Variants in INSR observed in about 807,000 individuals in gnomAD.
INSR encodes the protein IR.
A neutral mutation model predicts 142.6 loss-of-function variants in INSR; 67 were observed. The observed-to-expected ratio is 0.47, with a 90% CI of 0.39 to 0.58. The LOEUF is 0.58. Ranked by LOEUF, INSR falls within the 20% of genes least tolerant of loss-of-function variation. The pLI is 0.00. For synonymous variants in INSR, 756 were observed against 743.1 expected (o/e 1.02, Z -0.28); for missense variants, 1,248 against 1,833.2 (o/e 0.68, Z 5.83).
At chr19:7,135,499 C>G (rs902885912) in intron 13 of INSR, among the ~76,000 whole-genome samples, 3 of 137,138 alleles carry the variant, frequency 2.2e-5, no homozygotes, top group Non-Finnish European at 4.7e-5. Context: ...GGCAACAAAG[C>G]AAGACTCTGT....
chr19:7,172,364 G>A lies in INSR; in HGVS notation c.1194C>T (p.Arg398=), dbSNP rs1599943464. The A allele has an allele frequency of 6.2e-7, 1 of 1,614,126 alleles. No individual in the cohort carries two copies. The highest frequency in any genetic ancestry group is 2.2e-5 in the East Asian group (1 of 44,880). ...IEEISGYLKI[R]RSYALVSLSF... Reference sequence around the variant, plus strand: ...AAAGTGACACCAGAGCGTAGGATCGGCGGATTTTTAGATACCCTGAAATTT... The same window carrying A: ...AAAGTGACACCAGAGCGTAGGATCGACGGATTTTTAGATACCCTGAAATTT... The change falls in exon 5 of 22, where the codon CGC becomes CGT. Residue 398 remains arginine, a synonymous_variant. Transcript: ENST00000302850.
At chr19:7,194,930 A>G (rs1974704952) in intron 2 of INSR, among the ~76,000 whole-genome samples, 2 of 151,982 alleles carry the variant, frequency 1.3e-5, no homozygotes, top group Admixed American at 6.6e-5. Context: ...CTGTTCTCGT[A>G]TTAAATGAAA....
At chr19:7,190,588 T>C (rs1974555344) in intron 2 of INSR, among the ~76,000 whole-genome samples, 1 of 152,088 alleles carries the variant, frequency 6.6e-6, no homozygotes, top group Non-Finnish European at 1.5e-5. Flanking sequence ...GCCAGGCTGG[T>C]CTTGAACTCC....
intron 13 of INSR, among the ~76,000 whole-genome samples, chr19:7,132,843 G>A (rs899538338): frequency 6.6e-6 from 1 of 151,918 alleles, no homozygotes; most frequent in Non-Finnish European, 1.5e-5. Context: ...CGCCCACCTC[G>A]GCCTCCCAAA....
At chr19:7,238,284 C>T (rs559341329) in intron 2 of INSR, among the ~76,000 whole-genome samples, 4 of 152,142 alleles carry the variant, frequency 2.6e-5, no homozygotes, top group Admixed American at 1.3e-4. Context: ...ACATAGAAAA[C>T]GTCCACGGGC....
intron 9 of INSR, among the ~76,000 whole-genome samples, chr19:7,158,047 A>AT (rs1418474364): frequency 6.1e-5 from 1 of 16,412 alleles, no homozygotes; most frequent in South Asian, 4.1e-3. Flanking sequence ...AGCTCCTGGT[A>AT]TTATTATTAT....
chr19:7,269,040 A>ACACACACC (rs1555690145), intron 1 of INSR, among the ~76,000 whole-genome samples: 6 of 143,266 alleles, frequency 4.2e-5, no homozygotes, highest in Non-Finnish European at 7.5e-5. Flanking sequence ...CCACACACCC[A>ACACACACC]CACACACACA....
At chr19:7,176,004 A>ATTTG (rs1974127261) in intron 3 of INSR, among the ~76,000 whole-genome samples, 1 of 152,132 alleles carries the variant, frequency 6.6e-6, no homozygotes, top group Non-Finnish European at 1.5e-5. Context: ...TTTACCCCAA[A>ATTTG]GTGATGGGAC....
chr19:7,206,234 C>T (rs1396275180), intron 2 of INSR, among the ~76,000 whole-genome samples: 1 of 152,106 alleles, frequency 6.6e-6, no homozygotes, highest in Non-Finnish European at 1.5e-5. Flanking sequence ...TGGGTGTGAT[C>T]ATAGCTCACT....
intron 2 of INSR, among the ~76,000 whole-genome samples, chr19:7,218,524 T>TG (rs1555754355): frequency 2.0e-5 from 3 of 151,522 alleles, no homozygotes; most frequent in African/African-American, 2.4e-5. Context: ...TTTGTTTTGT[T>TG]GTTTTTTTCT....
Position 7,294,381 on chromosome 19 carries a change from C to G in INSR, c.-490G>C, listed in dbSNP as rs1473709169. Reference sequence around the variant, plus strand: ...AACAACGCGGCCCGTCAGCTGGGCCCCGTGCGGGCCGCGGGAAAAGGCGGC... The same window carrying G: ...AACAACGCGGCCCGTCAGCTGGGCCGCGTGCGGGCCGCGGGAAAAGGCGGC... On this transcript the variant is annotated 5_prime_UTR_variant, in exon 1 of 22. Transcript: ENST00000302850. 6.6e-6 allele frequency among the ~76,000 whole-genome samples: 1 copy of G among 151,626 alleles called. No homozygotes were observed. Among genetic ancestry groups the G allele is most frequent in the African/African-American group, 2.4e-5 (1 of 41,360 alleles).
rs1028257658 is a variant in INSR at position 7,216,278 on chromosome 19, C to G, written c.653-31641G>C. Among the ~76,000 whole-genome samples, 1 of 152,152 alleles carries G rather than the reference C, an allele frequency of 6.6e-6. No individual in the cohort carries two copies. Among genetic ancestry groups the G allele is most frequent in the Admixed American group, 6.5e-5 (1 of 15,282 alleles). On this transcript the variant is annotated intron_variant, in intron 2 of 21. Coordinates refer to ENST00000302850, the MANE Select transcript of INSR (RefSeq NM_000208.4). This position sits in a 1 kb window ranked among gnomAD's most constrained non-coding sequence, Gnocchi z 4.2. ...GGCAGAGGTTGCAGTGAGCTGAGAT[C>G]GTGCCATTGCACTCCAGCCTGGGCA... is the stretch of plus-strand genomic sequence containing the variant.
At chr19:7,198,108 G>T (rs542230638) in intron 2 of INSR, among the ~76,000 whole-genome samples, 9 of 151,852 alleles carry the variant, frequency 5.9e-5, no homozygotes, top group Non-Finnish European at 1.3e-4. Context: ...AGCCCTAGGC[G>T]CTCAAGGCTC....
In INSR at chr19:7,267,643, G is replaced by A; in HGVS notation, c.354C>T (p.Tyr118=). Residue 118 remains tyrosine, a synonymous_variant, in exon 2 of 22, where the codon TAC becomes TAT. Transcript: ENST00000302850. The surrounding 1 kb of genome is among the most constrained non-coding windows in gnomAD (Gnocchi z 6.3). ...GAACCATCTCGAAGATGACCAGCGC[G>A]TAGTTAAAGAACAGTCGTGATCCCC... ...VIRGSRLFFN[Y]ALVIFEMVHL... is the part of the protein sequence containing the mutation. 6.2e-7 allele frequency: 1 copy of A among 1,613,992 alleles called. No homozygotes were observed. Among genetic ancestry groups the A allele is most frequent in the Non-Finnish European group, 8.5e-7 (1 of 1,179,940 alleles).
intron 2 of INSR, among the ~76,000 whole-genome samples, chr19:7,223,193 A>G (rs1339598810): frequency 1.3e-5 from 2 of 152,128 alleles, no homozygotes; most frequent in Non-Finnish European, 2.9e-5. Context: ...AAAGACAAAC[A>G]AACAAAAAAA....
At chr19:7,139,149 C>T (rs1434641568) in intron 13 of INSR, among the ~76,000 whole-genome samples, 1 of 152,142 alleles carries the variant, frequency 6.6e-6, no homozygotes, top group African/African-American at 2.4e-5. Context: ...GCTCCAAGTG[C>T]CCCCAGCTGA....
rs575145176 is a variant in INSR at position 7,215,073 on chromosome 19, A to G, written c.653-30436T>C. Reference sequence around the variant, plus strand: ...TGGGCTCAATGGATCTTCCTGCCTCAGCCTCCCGAGTAGCTGGGGCTACAG... The same window carrying G: ...TGGGCTCAATGGATCTTCCTGCCTCGGCCTCCCGAGTAGCTGGGGCTACAG... On this transcript the variant is annotated intron_variant, in intron 2 of 21. Transcript: ENST00000302850. 1.9e-4 allele frequency among the ~76,000 whole-genome samples: 29 copies of G among 152,004 alleles called. 1 individual carries two copies. Among genetic ancestry groups the G allele is most frequent in the African/African-American group, 7.0e-4 (29 of 41,448 alleles).
At chr19:7,127,822 C>A (rs2144820082) in intron 15 of INSR, among the ~76,000 whole-genome samples, 1 of 152,184 alleles carries the variant, frequency 6.6e-6, no homozygotes, top group East Asian at 1.9e-4. Flanking sequence ...CGGCTCACTG[C>A]AACCTCTGCC....
chr19:7,193,849 T>C (rs562827772), intron 2 of INSR, among the ~76,000 whole-genome samples: 69 of 152,026 alleles, frequency 4.5e-4, no homozygotes, highest in Non-Finnish European at 7.8e-4. Context: ...ACCACCATGC[T>C]TGGCTAATTT....
Sources: allele counts gnomAD v4.1 joint callset (sites outside exome capture counted in the v4.1 genomes callset), GRCh38; gene constraint gnomAD v4.1.1; non-coding constraint Gnocchi (gnomAD v3.1); transcripts MANE v1.5; gene names NCBI Gene and HGNC (gene_info 2026-07-23, HGNC 2026-07-21).